ZDHHC14: variants seen among roughly 807,000 people sequenced by gnomAD.
ZDHHC14 encodes the protein zDHHC palmitoyltransferase 14, also known as palmitoyltransferase ZDHHC14.
In ZDHHC14, 16 loss-of-function variants were observed where a neutral mutation model predicts 47.7. The ratio of observed to expected loss-of-function variants is 0.34; its 90% CI spans 0.23 to 0.51. ZDHHC14 has a LOEUF of 0.51. Ranked by LOEUF, ZDHHC14 falls within the 20% of genes least tolerant of loss-of-function variation. The pLI is 0.97. For missense variants in ZDHHC14, 515 were observed against 662.5 expected, an observed-to-expected ratio of 0.78 and a Z score of 2.44; for synonymous variants, 293 against 278.9, an observed-to-expected ratio of 1.05 and a Z score of -0.50.
intron 2 of ZDHHC14, among the ~76,000 whole-genome samples, chr6:157,565,584 C>G (rs528204981): frequency 3.3e-5 from 5 of 151,924 alleles, no homozygotes; most frequent in African/African-American, 1.2e-4. Flanking sequence ...TTTGGAAGGC[C>G]GAGGCGGGCG....
chr6:157,653,118 A>T (rs1777917321), intron 7 of ZDHHC14, among the ~76,000 whole-genome samples: 1 of 152,184 alleles, frequency 6.6e-6, no homozygotes, highest in Admixed American at 6.5e-5. Context: ...CCCACACGCT[A>T]CACTGGCACT....
chr6:157,635,723 G>A (rs1009630819), intron 5 of ZDHHC14, among the ~76,000 whole-genome samples: 9 of 152,200 alleles, frequency 5.9e-5, no homozygotes, highest in African/African-American at 1.9e-4. Flanking sequence ...GGCACAGACC[G>A]GTGCTGCTGT....
rs370652775 is a variant in ZDHHC14, at chr6:157,500,770, C to T, written c.246-41815C>T. ...CATGAAAGTGAAGGATGGACAAAGC[C>T]TTAAAATGGCTTCCATCACTTAAAA... On this transcript the variant is annotated intron_variant, in intron 1 of 8. Transcript: ENST00000359775. 1.8e-4 allele frequency among the ~76,000 whole-genome samples: 27 copies of T among 152,290 alleles called. No individual in the cohort carries two copies. The East Asian group carries it at 3.9e-3, about 22-fold the overall frequency.
intron 3 of ZDHHC14, among the ~76,000 whole-genome samples, chr6:157,595,587 G>C (rs1784096643): frequency 6.6e-6 from 1 of 152,136 alleles, no homozygotes; most frequent in Non-Finnish European, 1.5e-5. Flanking sequence ...ACACTGCTCT[G>C]AAAGTTCATA....
At chr6:157,666,145 T>C (rs1778546897) in intron 8 of ZDHHC14, among the ~76,000 whole-genome samples, 1 of 152,264 alleles carries the variant, frequency 6.6e-6, no homozygotes, top group Non-Finnish European at 1.5e-5. Flanking sequence ...ATTTAACTTT[T>C]GTATAGCATT....
chr6:157,543,432 T>C (rs1466912419), intron 2 of ZDHHC14, among the ~76,000 whole-genome samples: 1 of 152,180 alleles, frequency 6.6e-6, no homozygotes, highest in East Asian at 1.9e-4. Context: ...TGTGGTGCTT[T>C]GGTAAATTTC....
chr6:157,488,094 C>A (rs547944943), intron 1 of ZDHHC14, among the ~76,000 whole-genome samples: 1 of 152,324 alleles, frequency 6.6e-6, no homozygotes, highest in South Asian at 2.1e-4. Flanking sequence ...GCATCCCGTA[C>A]CCACCACGCA....
chr6:157,470,320 C>T (rs1448023068), intron 1 of ZDHHC14, among the ~76,000 whole-genome samples: 1 of 152,202 alleles, frequency 6.6e-6, no homozygotes, highest in East Asian at 1.9e-4. Context: ...AACTCCTGAC[C>T]TCAGGTGATC....
At chr6:157,570,834 C>A (rs1297414661) in intron 2 of ZDHHC14, among the ~76,000 whole-genome samples, 1 of 151,960 alleles carries the variant, frequency 6.6e-6, no homozygotes, top group East Asian at 1.9e-4. Flanking sequence ...TATATATACA[C>A]ACACACATAC....
At chr6:157,496,912 C>G (rs1371883647) in intron 1 of ZDHHC14, among the ~76,000 whole-genome samples, 1 of 152,204 alleles carries the variant, frequency 6.6e-6, no homozygotes, top group Non-Finnish European at 1.5e-5. Flanking sequence ...CCACCATTTC[C>G]TCTTGCTCTC....
At chr6:157,618,378 A>G (rs550541001) in intron 3 of ZDHHC14, among the ~76,000 whole-genome samples, 5 of 152,048 alleles carry the variant, frequency 3.3e-5, no homozygotes, top group East Asian at 1.9e-4. Context: ...CTGCAGTGCA[A>G]TGGTGCTATC....
chr6:157,548,488 C>T (rs1273628648), intron 2 of ZDHHC14, among the ~76,000 whole-genome samples: 1 of 152,030 alleles, frequency 6.6e-6, no homozygotes, highest in Non-Finnish European at 1.5e-5. Context: ...CTCCTGTTGC[C>T]CAGGCTGGAG....
intron 7 of ZDHHC14, among the ~76,000 whole-genome samples, chr6:157,648,881 T>C (rs1777687272): frequency 6.6e-6 from 1 of 152,220 alleles, no homozygotes; most frequent in Admixed American, 6.5e-5. Context: ...CAGGGAGAGC[T>C]GGCCTCTTTC....
At chr6:157,647,423 C>T (rs542917136) in intron 7 of ZDHHC14, 55 bp downstream of exon 7, 119 of 1,438,994 alleles carry the variant, frequency 8.3e-5, no homozygotes, top group Middle Eastern at 1.8e-4. Flanking sequence ...CCGAATGCCT[C>T]GGCCGTTAGC....
At chr6:157,389,794 T>C (rs1777384854) in intron 1 of ZDHHC14, among the ~76,000 whole-genome samples, 1 of 152,176 alleles carries the variant, frequency 6.6e-6, no homozygotes, top group African/African-American at 2.4e-5. Context: ...CCCACTGTCA[T>C]ATATTTTACA....
At chr6:157,480,110 C>T (rs1284981327) in intron 1 of ZDHHC14, among the ~76,000 whole-genome samples, 1 of 152,140 alleles carries the variant, frequency 6.6e-6, no homozygotes, top group Non-Finnish European at 1.5e-5. Flanking sequence ...ACATGTTGGG[C>T]TCAGCGTTGG....
chr6:157,492,442 A>AGTGGGAAAGCGGGAAG (rs1422380181), intron 1 of ZDHHC14, among the ~76,000 whole-genome samples: 1 of 151,522 alleles, frequency 6.6e-6, no homozygotes, highest in Non-Finnish European at 1.5e-5. Flanking sequence ...AAAGCGGGAA[A>AGTGGGAAAGCGGGAAG]GCGGGAAAGC....
intron 3 of ZDHHC14, among the ~76,000 whole-genome samples, chr6:157,600,257 TA>T (rs201183948): frequency 0.041 from 6,307 of 152,296 alleles, 183 homozygotes; most frequent in Non-Finnish European, 0.063. Flanking sequence ...ATAGCAAACT[TA>T]ATCTACCAGT....
chr6:157,531,448 G>GTC (rs1781363061), intron 1 of ZDHHC14, among the ~76,000 whole-genome samples: 4 of 152,004 alleles, frequency 2.6e-5, no homozygotes. Context: ...CTCTCTGCAG[G>GTC]TCTCACTCCT....
Sources: gnomAD v4.1 joint callset for allele counts (sites outside exome capture counted in the v4.1 genomes callset) on GRCh38, gnomAD v4.1.1 for gene constraint, MANE v1.5 for transcripts, NCBI Gene and HGNC (gene_info 2026-07-23, HGNC 2026-07-21) for gene names.